Variants in ARHGAP10 observed in about 807,000 individuals in gnomAD.
ARHGAP10 encodes the protein rho GTPase-activating protein 10.
Under a neutral mutation model 108.6 loss-of-function variants are expected in ARHGAP10, and 87 were observed. The observed-to-expected ratio is 0.80, with a 90% confidence interval of 0.67 to 0.96. ARHGAP10 has a LOEUF of 0.96. Among genes scored for constraint, ARHGAP10 ranks in the 40% least tolerant of loss-of-function variants. The pLI, the probability that ARHGAP10 is intolerant of heterozygous loss-of-function variation, is 0.00. For synonymous variants in ARHGAP10, 347 were observed against 341.1 expected, an observed-to-expected ratio of 1.02 and a Z score of -0.19; for missense variants, 939 against 954.5, an observed-to-expected ratio of 0.98 and a Z score of 0.21.
In ARHGAP10 at chr4:148,023,335, C is replaced by A. The variant is rs747780515; in HGVS notation, c.1789C>A (p.Pro597Thr). The A allele has an allele frequency of 1.2e-6, 2 of 1,614,122 alleles. No individual in the cohort carries two copies. The highest frequency in any genetic ancestry group is 1.7e-6 in the Non-Finnish European group (2 of 1,180,040). Residue 597 changes from proline (P) to threonine (T), a missense_variant, in exon 19 of 23, where the codon CCA becomes ACA. Pro to Thr is a conservative substitution (Grantham distance 38). Transcript: ENST00000336498. ...CLSASPPNAP[P>T]RQSKRQGQRT... ...GTCAGCATCACCCCCAAATGCGCCA[C>A]CAAGGCAGTCGAAGAGACAAGGCCA...
chr4:148,028,593 C>T (rs953032189), intron 19 of ARHGAP10, among the ~76,000 whole-genome samples: 5 of 152,114 alleles, frequency 3.3e-5, no homozygotes, highest in African/African-American at 1.2e-4. Context: ...GGGAAAGGTG[C>T]TTTAGGTTTA....
chr4:147,732,165 C>T lies in ARHGAP10; in HGVS notation c.-137C>T. On this transcript the variant is annotated 5_prime_UTR_variant, in exon 1 of 23. Transcript: ENST00000336498. ...CTCGGCTCTACGGGACATGTCCGTG[C>T]CGCGCTCGCCGCGCGCCCGGGCCTG... 12 of 794,416 alleles carry T rather than the reference C, an allele frequency of 1.5e-5. No individual in the cohort carries two copies. In the South Asian group the frequency reaches 3.8e-4, roughly 25 times the overall value. 49.2% of individuals were successfully genotyped at this position (794,416 alleles called of 1,614,324 possible).
chr4:147,745,219 C>A (rs1053892607), intron 1 of ARHGAP10: 6 of 152,090 alleles, frequency 3.9e-5, no homozygotes, highest in African/African-American at 1.5e-4. Context: ...CCAAGCAGAA[C>A]TGGGAGCCTG....
At chr4:147,981,738 G>A (rs751612060) in intron 18 of ARHGAP10, among the ~76,000 whole-genome samples, 6 of 152,246 alleles carry the variant, frequency 3.9e-5, no homozygotes, top group Non-Finnish European at 7.3e-5. Flanking sequence ...GGGTGTGCCA[G>A]TGTTGGGTGC....
chr4:147,905,845 T>C (rs970527841), intron 10 of ARHGAP10, among the ~76,000 whole-genome samples: 5 of 152,100 alleles, frequency 3.3e-5, no homozygotes, highest in African/African-American at 9.7e-5. Flanking sequence ...TTTCACGATA[T>C]TGATTCTTCC....
In ARHGAP10 at chr4:147,959,636, C is replaced by A. The variant is rs1041195307; in HGVS notation, c.1450+4262C>A. Among the ~76,000 whole-genome samples the A allele has an allele frequency of 3.3e-5, 5 of 151,978 alleles. No individual in the cohort carries two copies. The South Asian group carries it at 8.3e-4, about 25-fold the overall frequency. ...TGCGGTGTTTGGTTTTCTGTCCTTGCGATAGGTTGCTGAGAATGATGGTTT... is the reference window on the plus strand; with the variant it reads ...TGCGGTGTTTGGTTTTCTGTCCTTGAGATAGGTTGCTGAGAATGATGGTTT... On this transcript the variant is annotated intron_variant, in intron 16 of 22. Coordinates refer to ENST00000336498, the MANE Select transcript of ARHGAP10 (RefSeq NM_024605.4).
In ARHGAP10 at chr4:147,881,247, T is replaced by A. The variant is rs1459776701; in HGVS notation, c.940-591T>A. Among the ~76,000 whole-genome samples the A allele has an allele frequency of 5.9e-5, 9 of 151,382 alleles. No homozygotes were observed. The East Asian group carries it at 1.7e-3, about 29-fold the overall frequency. ...GAGATTGCACCACTGCACTCCAGCC[T>A]GGGCAACAGAGCAAGACTGTCAAAA... On this transcript the variant is annotated intron_variant, in intron 9 of 22. Transcript: ENST00000336498.
chr4:147,861,246 C>T (rs1044309704), intron 5 of ARHGAP10: 1 of 152,464 alleles, frequency 6.6e-6, no homozygotes, highest in African/African-American at 2.4e-5. Flanking sequence ...CAGGCACTGG[C>T]TCCGTGCAAG....
chr4:147,785,334 G>A (rs1008333148), intron 1 of ARHGAP10, among the ~76,000 whole-genome samples: 1 of 151,762 alleles, frequency 6.6e-6, no homozygotes, highest in South Asian at 2.1e-4. Flanking sequence ...GCTTCTTTCT[G>A]TTCTCTGGTC....
intron 18 of ARHGAP10, among the ~76,000 whole-genome samples, chr4:147,987,001 C>T (rs944306072): frequency 6.6e-6 from 1 of 152,154 alleles, no homozygotes; most frequent in Non-Finnish European, 1.5e-5. Flanking sequence ...CTACACTGAT[C>T]CTCAGAAACA....
At chr4:147,750,682 A>G (rs908502930) in intron 1 of ARHGAP10, among the ~76,000 whole-genome samples, 9 of 151,126 alleles carry the variant, frequency 6.0e-5, no homozygotes, top group African/African-American at 2.2e-4. Flanking sequence ...GCTCACTGCA[A>G]CCTCCGCCTC....
intron 1 of ARHGAP10, among the ~76,000 whole-genome samples, chr4:147,786,377 A>T (rs1010604824): frequency 6.6e-6 from 1 of 152,180 alleles, no homozygotes; most frequent in East Asian, 1.9e-4. Context: ...GAGACTGGGA[A>T]GTCTAGGAGC....
intron 18 of ARHGAP10, among the ~76,000 whole-genome samples, chr4:147,978,477 A>T (rs1166096145): frequency 6.6e-6 from 1 of 152,166 alleles, no homozygotes; most frequent in Non-Finnish European, 1.5e-5. Flanking sequence ...TGATTGGATA[A>T]TGGGGGTGGA....
chr4:148,023,013 G>T, intron 18 of ARHGAP10: 1 of 361,132 alleles, frequency 2.8e-6, no homozygotes, highest in Non-Finnish European at 5.0e-6. Context: ...TTTAGTTTTG[G>T]AATGAATTAT....
At chr4:148,030,223 C>A (rs1728085000) in intron 19 of ARHGAP10, among the ~76,000 whole-genome samples, 2 of 152,022 alleles carry the variant, frequency 1.3e-5, no homozygotes, top group African/African-American at 2.4e-5. Flanking sequence ...GAGAAAAATT[C>A]TTTAAAGCTT....
At chr4:147,745,855 C>T (rs1327516890) in intron 1 of ARHGAP10, among the ~76,000 whole-genome samples, 3 of 143,466 alleles carry the variant, frequency 2.1e-5, no homozygotes, top group Non-Finnish European at 4.5e-5. Flanking sequence ...GGCGTGATCT[C>T]GGTTCACGGC....
intron 18 of ARHGAP10, among the ~76,000 whole-genome samples, chr4:148,020,962 A>T (rs545885079): frequency 6.6e-6 from 1 of 152,288 alleles, no homozygotes; most frequent in East Asian, 1.9e-4. Flanking sequence ...ATAAGTGTAA[A>T]ATAGCTGTAG....
intron 1 of ARHGAP10, among the ~76,000 whole-genome samples, chr4:147,761,042 A>G (rs1315466531): frequency 6.7e-6 from 1 of 148,800 alleles, no homozygotes; most frequent in Non-Finnish European, 1.5e-5. Context: ...TTTGACACAG[A>G]GTCTTGCTCT....
At chr4:147,853,273 C>A (rs1015794773) in intron 4 of ARHGAP10, among the ~76,000 whole-genome samples, 1 of 152,206 alleles carries the variant, frequency 6.6e-6, no homozygotes, top group Non-Finnish European at 1.5e-5. Context: ...AGACTCCACA[C>A]GGACAGTGGC....
Sources: allele counts gnomAD v4.1 joint callset (sites outside exome capture counted in the v4.1 genomes callset), GRCh38; gene constraint gnomAD v4.1.1; transcripts MANE v1.5; gene names NCBI Gene and HGNC (gene_info 2026-07-23, HGNC 2026-07-21).